Variants in PITPNC1 observed in about 807,000 individuals in gnomAD.
PITPNC1 encodes the protein cytoplasmic phosphatidylinositol transfer protein 1.
In PITPNC1, 18 loss-of-function variants were observed where a neutral mutation model predicts 44.7. The ratio of observed to expected loss-of-function variants is 0.40; its 90% CI spans 0.28 to 0.60. The LOEUF (loss-of-function observed/expected upper bound fraction) is 0.60. Among genes scored for constraint, PITPNC1 ranks in the 20% least tolerant of loss-of-function variants. The pLI is 0.39. For missense variants in PITPNC1, 290 were observed against 418.4 expected (o/e 0.69, Z 2.68); for synonymous variants, 141 against 149.6 (o/e 0.94, Z 0.42).
intron 4 of PITPNC1, among the ~76,000 whole-genome samples, chr17:67,564,188 GA>G (rs2040944238): frequency 1.3e-5 from 2 of 151,934 alleles, no homozygotes; most frequent in East Asian, 3.9e-4. Flanking sequence ...TGGATGGATG[GA>G]TGGATGGATG....
chr17:67,475,388 GC>G (rs1301657670), intron 1 of PITPNC1, among the ~76,000 whole-genome samples: 1 of 152,202 alleles, frequency 6.6e-6, no homozygotes, highest in Non-Finnish European at 1.5e-5. Context: ...TCATAAAACA[GC>G]CCGGGGTGTT....
At chr17:67,626,967 G>A (rs1190263860) in intron 5 of PITPNC1, among the ~76,000 whole-genome samples, 2 of 152,160 alleles carry the variant, frequency 1.3e-5, no homozygotes, top group African/African-American at 2.4e-5. Context: ...ATCACTGGGA[G>A]ATTCATTATT....
At chr17:67,600,667 AT>A (rs1349618100) in intron 5 of PITPNC1, among the ~76,000 whole-genome samples, 1 of 151,932 alleles carries the variant, frequency 6.6e-6, no homozygotes, top group Non-Finnish European at 1.5e-5. Flanking sequence ...AATACAAAGA[AT>A]TTTTTAAATA....
chr17:67,643,466 A>G (rs995945140), intron 6 of PITPNC1, among the ~76,000 whole-genome samples: 1 of 152,194 alleles, frequency 6.6e-6, no homozygotes, highest in Non-Finnish European at 1.5e-5. Context: ...GGGAGGGAAG[A>G]ATTCATCCAA....
chr17:67,657,827 T>C (rs779687094), intron 6 of PITPNC1, among the ~76,000 whole-genome samples: 1 of 152,228 alleles, frequency 6.6e-6, no homozygotes, highest in Non-Finnish European at 1.5e-5. Flanking sequence ...TATTCTGAAC[T>C]GAAGTGAGCT....
chr17:67,552,700 G>A (rs2040783728), intron 3 of PITPNC1, among the ~76,000 whole-genome samples: 1 of 151,690 alleles, frequency 6.6e-6, no homozygotes, highest in Non-Finnish European at 1.5e-5. Flanking sequence ...GCCCAACATG[G>A]TGAAACCCCG....
At chr17:67,423,088 A>G (rs1420514500) in intron 1 of PITPNC1, among the ~76,000 whole-genome samples, 1 of 152,132 alleles carries the variant, frequency 6.6e-6, no homozygotes, top group African/African-American at 2.4e-5. Flanking sequence ...ATGTTGAACA[A>G]AGTCCATTGA....
chr17:67,598,153 C>T (rs1280208346), intron 5 of PITPNC1, among the ~76,000 whole-genome samples: 1 of 151,780 alleles, frequency 6.6e-6, no homozygotes, highest in African/African-American at 2.4e-5. Flanking sequence ...ACCAGGGAGT[C>T]GGAGGTTGCA....
At chr17:67,535,463 A>G (rs1392473839) in intron 2 of PITPNC1, among the ~76,000 whole-genome samples, 1 of 152,248 alleles carries the variant, frequency 6.6e-6, no homozygotes, top group Non-Finnish European at 1.5e-5. Context: ...TTCCTTATAT[A>G]TGAAAATCAG....
intron 1 of PITPNC1, among the ~76,000 whole-genome samples, chr17:67,425,349 G>A (rs763905950): frequency 6.6e-6 from 1 of 151,346 alleles, no homozygotes; most frequent in African/African-American, 2.4e-5. Flanking sequence ...AATGGTCACA[G>A]CTTATTCAAG....
chr17:67,474,269 A>C (rs2039594178), intron 1 of PITPNC1, among the ~76,000 whole-genome samples: 17 of 152,204 alleles, frequency 1.1e-4, no homozygotes, highest in Admixed American at 1.1e-3. Flanking sequence ...GTCAGGAAGG[A>C]GAACTTGAAG....
At chr17:67,599,171 C>A (rs1482449766) in intron 5 of PITPNC1, among the ~76,000 whole-genome samples, 1 of 149,684 alleles carries the variant, frequency 6.7e-6, no homozygotes, top group East Asian at 2.0e-4. Flanking sequence ...AAATAAATTT[C>A]TTTTGTTCAC....
chr17:67,552,325 A>G lies in PITPNC1; in HGVS notation c.266A>G (p.Tyr89Cys). 5.0e-6 allele frequency: 8 copies of G among 1,585,726 alleles called. No individual in the cohort carries two copies. Among genetic ancestry groups the G allele is most frequent in the Non-Finnish European group, 6.9e-6 (8 of 1,154,088 alleles). Reference sequence around the variant, plus strand: ...TATGTGACAGAGAAGGCTTGGAACTATTATCCCTACACAATTACAGGTAAG... The same window carrying G: ...TATGTGACAGAGAAGGCTTGGAACTGTTATCCCTACACAATTACAGGTAAG... ...IFYVTEKAWN[Y>C]YPYTITEYTC... The change falls in exon 3 of 9, where the codon TAT becomes TGT. Residue 89 changes from tyrosine (Y) to cysteine (C), a missense_variant. By Grantham distance (194) the Tyr-to-Cys change is radical (BLOSUM62 -2). Coordinates refer to ENST00000581322, the MANE Select transcript of PITPNC1 (RefSeq NM_012417.4).
intron 1 of PITPNC1, among the ~76,000 whole-genome samples, chr17:67,378,713 G>A (rs1461802638): frequency 2.0e-5 from 3 of 152,208 alleles, no homozygotes; most frequent in Non-Finnish European, 4.4e-5. Context: ...TGCGGGGCCC[G>A]ACTTCTCGCC....
intron 1 of PITPNC1, among the ~76,000 whole-genome samples, chr17:67,458,982 A>G (rs2143967526): frequency 6.6e-6 from 1 of 151,992 alleles, no homozygotes; most frequent in Middle Eastern, 3.4e-3. Flanking sequence ...TTTCACTTAG[A>G]ACCCAAGAAC....
intron 4 of PITPNC1, among the ~76,000 whole-genome samples, chr17:67,556,211 TG>T (rs2040836530): frequency 6.6e-6 from 1 of 152,076 alleles, no homozygotes; most frequent in Non-Finnish European, 1.5e-5. Context: ...GCCTCTGCAT[TG>T]GGGCCTTGAG....
chr17:67,403,048 C>T (rs2143825300), intron 1 of PITPNC1, among the ~76,000 whole-genome samples: 1 of 151,990 alleles, frequency 6.6e-6, no homozygotes, highest in South Asian at 2.1e-4. Context: ...ATAAGCATGC[C>T]TTTGTGTCTT....
intron 1 of PITPNC1, among the ~76,000 whole-genome samples, chr17:67,458,414 C>G (rs1011396966): frequency 6.6e-6 from 1 of 152,130 alleles, no homozygotes; most frequent in African/African-American, 2.4e-5. Context: ...TCAGATCTGT[C>G]TTCCATTTTA....
intron 5 of PITPNC1, among the ~76,000 whole-genome samples, chr17:67,599,350 C>T (rs1446147980): frequency 6.6e-6 from 1 of 151,750 alleles, no homozygotes; most frequent in Non-Finnish European, 1.5e-5. Context: ...CCTAGAGATA[C>T]AGATTTGGAA....
Sources: gnomAD v4.1 joint callset for allele counts (sites outside exome capture counted in the v4.1 genomes callset) on GRCh38, gnomAD v4.1.1 for gene constraint, MANE v1.5 for transcripts, NCBI Gene and HGNC (gene_info 2026-07-23, HGNC 2026-07-21) for gene names.